Variants in MKI67 observed in about 807,000 individuals in gnomAD.
MKI67 encodes the protein marker of proliferation Ki-67, also known as proliferation marker protein Ki-67.
In MKI67, 152 loss-of-function variants were observed where a neutral mutation model predicts 233.5. That is an observed-to-expected ratio of 0.65 (90% confidence interval 0.57 to 0.74). MKI67 has a LOEUF of 0.74. MKI67 is among the 30% of genes least tolerant of loss of function. MKI67 has a pLI of 0.00. For synonymous variants in MKI67, 1,465 were observed against 1,418.5 expected, an observed-to-expected ratio of 1.03 and a Z score of -0.74; for missense variants, 3,940 against 3,885.2, an observed-to-expected ratio of 1.01 and a Z score of -0.37.
Position 128,125,647 on chromosome 10 carries a change from C to T in MKI67, c.21G>A (p.Leu7=). 1 of 1,613,886 alleles carries T rather than the reference C, an allele frequency of 6.2e-7. No individual in the cohort carries two copies. Among genetic ancestry groups the T allele is most frequent in the Non-Finnish European group, 8.5e-7 (1 of 1,179,910 alleles). ...CGACCCCGCTCCTTTTGATAGTAAC[C>T]AGGCGTCTCGTGGGCCACATTTTCT... is the stretch of plus-strand genomic sequence containing the variant. MWPTRR[L]VTIKRSGVDG... The change falls in exon 2 of 15, where the codon CTG becomes CTA. Residue 7 remains leucine (L), a synonymous_variant. Transcript: ENST00000368654. The surrounding 1 kb of genome is among the most constrained non-coding windows in gnomAD (Gnocchi z 5.3).
At chr10:128,113,288 C>G (rs564454219) in intron 8 of MKI67, 139 bp downstream of exon 8, 144 of 1,044,710 alleles carry the variant, frequency 1.4e-4, no homozygotes, top group Admixed American at 3.8e-4. Flanking sequence ...AGCTTTCATT[C>G]GTCTTTTTAA....
rs1291356468 is a variant in MKI67, at chr10:128,125,630, C to T, written c.38G>A (p.Ser13Asn). 6.2e-7 allele frequency: 1 copy of T among 1,613,774 alleles called. No homozygotes were observed. Among genetic ancestry groups the T allele is most frequent in the South Asian group, 1.1e-5 (1 of 91,062 alleles). Reference sequence around the variant, plus strand: ...GGGAAAGTGGGGACCGTCGACCCCGCTCCTTTTGATAGTAACCAGGCGTCT... The same window carrying T: ...GGGAAAGTGGGGACCGTCGACCCCGTTCCTTTTGATAGTAACCAGGCGTCT... ...PTRRLVTIKR[S>N]GVDGPHFPLS... Residue 13 changes from serine (S) to asparagine (N), a missense_variant, in exon 2 of 15, where the codon AGC (serine) becomes AAC (asparagine). Transcript: ENST00000368654. This position sits in a 1 kb window ranked among gnomAD's most constrained non-coding sequence, Gnocchi z 5.3.
rs753647289 is a variant in MKI67, at chr10:128,119,361, T to C, written c.288-42A>G. The C allele has an allele frequency of 4.2e-6, 6 of 1,422,006 alleles. No homozygotes were observed. The Admixed American group carries it at 6.9e-5, about 16-fold the overall frequency. The allele number at this position is 1,422,006 out of a possible 1,614,324, so 88.1% of individuals were successfully genotyped here. On this transcript the variant is annotated intron_variant, in intron 4 of 14. Transcript: ENST00000368654. ...GACAAAGATCCTGATTAAAAATTTA[T>C]ACCCTGGGGCGGAAGTCTCCATATC...
chr10:128,117,595 C>T (rs1852834921), intron 5 of MKI67, among the ~76,000 whole-genome samples: 1 of 152,176 alleles, frequency 6.6e-6, no homozygotes, highest in East Asian at 1.9e-4. Flanking sequence ...AAGAAAATAT[C>T]TAAAAAATAT....
chr10:128,119,016 G>C (rs1018781), intron 5 of MKI67, among the ~76,000 whole-genome samples: 1 of 152,128 alleles, frequency 6.6e-6, no homozygotes, highest in Non-Finnish European at 1.5e-5. Context: ...TAGACTTTTT[G>C]GCTAAAAGTG....
At position 128,111,765 on chromosome 10, in the gene MKI67, G is replaced by C. The variant is rs1160979172; in HGVS notation, c.2140C>G (p.Pro714Ala). Residue 714 changes from proline (P) to alanine (A), a missense_variant, in exon 11 of 15, where the codon CCT becomes GCT. Physicochemically the swap from Pro to Ala is conservative, Grantham distance 27. Transcript: ENST00000368654. The part of the protein sequence containing the change: ...SQFSTGHANS[P>A]CTIIIGKAHT... ...GCTTTCCCTATTATTATGGTACAAG[G>C]AGAGTTTGCGTGGCCTGTACTAAAT... 1 of 1,614,186 alleles carries C rather than the reference G, an allele frequency of 6.2e-7. No homozygotes were observed. The highest frequency in any genetic ancestry group is 1.7e-5 in the Admixed American group (1 of 60,020).
chr10:128,121,491 T>C (rs937821815), intron 4 of MKI67, among the ~76,000 whole-genome samples: 1 of 129,842 alleles, frequency 7.7e-6, no homozygotes. Context: ...TTATATTATA[T>C]ATTACTATAT....
rs78597473 is a variant in MKI67, at chr10:128,107,047, C to T, written c.4793G>A (p.Arg1598Gln). The T allele has an allele frequency of 5.6e-6, 9 of 1,612,546 alleles. No homozygotes were observed. The highest frequency in any genetic ancestry group is 1.1e-5 in the South Asian group (1 of 90,984). ...LAGFKELFQT[R>Q]GHTEESMTND... is the part of the protein sequence containing the mutation. ...AGTCATTGATTCCTCAGTGTGACCT[C>T]GTGTCTGGAAGAGCTCTTTAAAGCC... Residue 1598 changes from arginine to glutamine, a missense_variant, in exon 13 of 15, where the codon CGA (arginine) becomes CAA (glutamine). Physicochemically the swap from Arg to Gln is conservative, Grantham distance 43. Transcript: ENST00000368654.
Position 128,107,297 on chromosome 10 carries a change from G to T in MKI67, c.4543C>A (p.Leu1515Ile). Residue 1515 changes from leucine (L) to isoleucine (I), a missense_variant, in exon 13 of 15, where the codon CTC becomes ATC. Transcript: ENST00000368654. ...TSSKPQSKRS[L>I]RKVDVEEEFF... ...TCTTCTTCTACGTCCACTTTCCTGA[G>T]ACTTCTCTTGGACTGTGGCTTGGAG... is the stretch of plus-strand genomic sequence containing the variant. 6.2e-7 allele frequency: 1 copy of T among 1,614,092 alleles called. No homozygotes were observed. The highest frequency in any genetic ancestry group is 8.5e-7 in the Non-Finnish European group (1 of 1,180,034).
chr10:128,120,557 G>A (rs373219756), intron 4 of MKI67, among the ~76,000 whole-genome samples: 9 of 152,056 alleles, frequency 5.9e-5, no homozygotes, highest in African/African-American at 2.2e-4. Flanking sequence ...ATAGAAGTCT[G>A]TATTCAATAA....
intron 14 of MKI67, 102 bp downstream of exon 14, chr10:128,101,156 G>A: frequency 9.5e-7 from 1 of 1,049,730 alleles, no homozygotes; most frequent in Non-Finnish European, 1.4e-6. Context: ...CTGGCAGAGT[G>A]CTGTTGAAGA....
chr10:128,123,089 ACCT>A lies in MKI67; in HGVS notation c.170_171+1del, dbSNP rs769975551. ...AAGTAGATCTTCAAAAAACCCACTC[ACCT>A]CCTGCTCATGGATTTCAATTTTGCA... On this transcript the variant is annotated splice_donor_variant and coding_sequence_variant, in exon 3 of 15. Transcript: ENST00000368654. LOFTEE classifies it high-confidence loss of function. 1 of 1,612,764 alleles carries A rather than the reference ACCT, an allele frequency of 6.2e-7. No homozygotes were observed. The highest frequency in any genetic ancestry group is 8.5e-7 in the Non-Finnish European group (1 of 1,179,012).
chr10:128,111,592 A>G (rs1852675344), intron 11 of MKI67, 53 bp downstream of exon 11: 1 of 1,458,814 alleles, frequency 6.9e-7, no homozygotes, highest in African/African-American at 1.4e-5. Flanking sequence ...ACATTAACAC[A>G]GTAAAAAACA....
Position 128,107,594 on chromosome 10 carries a change from C to T in MKI67, c.4246G>A (p.Glu1416Lys). 1 of 1,614,100 alleles carries T rather than the reference C, an allele frequency of 6.2e-7. No homozygotes were observed. Among genetic ancestry groups the T allele is most frequent in the Non-Finnish European group, 8.5e-7 (1 of 1,180,024 alleles). The change falls in exon 13 of 15, where the codon GAA becomes AAA. Residue 1416 changes from glutamate to lysine, a missense_variant. Physicochemically the swap from Glu to Lys is moderately conservative, Grantham distance 56. Coordinates refer to ENST00000368654, the MANE Select transcript of MKI67 (RefSeq NM_002417.5). ...ALKKLTQTSG[E>K]TTHTDKVPGG... Reference sequence around the variant, plus strand: ...GGTACTTTATCTGTGTGTGTGGTTTCCCCTGATGTCTGTGTGAGCTTCTTC... The same window carrying T: ...GGTACTTTATCTGTGTGTGTGGTTTTCCCTGATGTCTGTGTGAGCTTCTTC...
rs1213983950 is a variant in MKI67 at position 128,125,058 on chromosome 10, C to A, written c.92+518G>T. Among the ~76,000 whole-genome samples, 3 of 152,148 alleles carry A rather than the reference C, an allele frequency of 2.0e-5. No individual in the cohort carries two copies. Among genetic ancestry groups the A allele is most frequent in the Admixed American group, 6.5e-5 (1 of 15,270 alleles). On this transcript the variant is annotated intron_variant, in intron 2 of 14. Coordinates refer to ENST00000368654, the MANE Select transcript of MKI67 (RefSeq NM_002417.5). This position sits in a 1 kb window ranked among gnomAD's most constrained non-coding sequence, Gnocchi z 5.3. Reference sequence around the variant, plus strand: ...TGATGGGGCACTGTCAGCAACTATACCTGTTATACAGGGACAGGGTTATTA... The same window carrying A: ...TGATGGGGCACTGTCAGCAACTATAACTGTTATACAGGGACAGGGTTATTA...
chr10:128,118,756 T>C (rs147485522), intron 5 of MKI67, among the ~76,000 whole-genome samples: 1 of 152,362 alleles, frequency 6.6e-6, no homozygotes, highest in East Asian at 1.9e-4. Flanking sequence ...ACTCAAACTA[T>C]AGGATTCTCT....
rs1007396543 is a variant in MKI67 at position 128,105,219 on chromosome 10, A to G, written c.6621T>C (p.Thr2207=). 2.2e-5 allele frequency: 36 copies of G among 1,613,606 alleles called. No homozygotes were observed. The highest frequency in any genetic ancestry group is 3.1e-5 in the Non-Finnish European group (36 of 1,179,926). Residue 2207 remains threonine, a synonymous_variant, in exon 13 of 15, where the codon ACT becomes ACC. Transcript: ENST00000368654. ...TTTTCTCATGAGTCGTGGGCTTGTCAGTGCATATTGGTGTCTGGAAGAGCT... is the reference window on the plus strand; with the variant it reads ...TTTTCTCATGAGTCGTGGGCTTGTCGGTGCATATTGGTGTCTGGAAGAGCT... ...LKELFQTPIC[T]DKPTTHEKTT...
In MKI67 at chr10:128,103,682, T is replaced by G. The variant is rs1050767; in HGVS notation, c.8158A>C (p.Thr2720Pro). 291,955 of 1,613,946 alleles carry G rather than the reference T, an allele frequency of 0.18. 27,336 individuals carry two copies. Among genetic ancestry groups the G allele is most frequent in the African/African-American group, 0.28 (20,895 of 74,916 alleles). The change falls in exon 13 of 15, where the codon ACA becomes CCA. Residue 2720 changes from threonine to proline, a missense_variant. Thr to Pro is a conservative substitution (Grantham distance 38). Coordinates refer to ENST00000368654, the MANE Select transcript of MKI67 (RefSeq NM_002417.5). ...ACACGTGTCCTGAGATGCCTCTTTG[T>G]GCTTGCTGTGGTGTCTACCACTTCT... ...PLEVVDTTAS[T>P]KRHLRTRVQK...
intron 7 of MKI67, among the ~76,000 whole-genome samples, chr10:128,114,498 C>T (rs1458002514): frequency 6.6e-6 from 1 of 152,214 alleles, no homozygotes; most frequent in Non-Finnish European, 1.5e-5. Context: ...AGAGTATCAA[C>T]ACCTGAGAAC....
Sources: allele counts gnomAD v4.1 joint callset (sites outside exome capture counted in the v4.1 genomes callset), GRCh38; gene constraint gnomAD v4.1.1; non-coding constraint Gnocchi (gnomAD v3.1); transcripts MANE v1.5; gene names NCBI Gene and HGNC (gene_info 2026-07-23, HGNC 2026-07-21).